Variants in TCF7L1 observed in about 807,000 individuals in gnomAD.
The protein encoded by TCF7L1 is transcription factor 7-like 1.
Under a neutral mutation model 63.7 loss-of-function variants are expected in TCF7L1, and 18 were observed. The ratio of observed to expected loss-of-function variants is 0.28; its 90% CI spans 0.20 to 0.42. The LOEUF (loss-of-function observed/expected upper bound fraction) is 0.42. Ranked by LOEUF, TCF7L1 falls within the 10% of genes least tolerant of loss-of-function variation. TCF7L1 has a pLI of 1.00. For synonymous variants in TCF7L1, 355 were observed against 340.9 expected (o/e 1.04, Z -0.46); for missense variants, 654 against 779.3 (o/e 0.84, Z 1.91).
chr2:85,171,154 G>A (rs144738899), intron 3 of TCF7L1, among the ~76,000 whole-genome samples: 5,522 of 152,230 alleles, frequency 0.036, 109 homozygotes, highest in Middle Eastern at 0.071. Flanking sequence ...ATGTGCAGGG[G>A]AACTCCCCTT....
chr2:85,244,035 C>T (rs1266255530), intron 3 of TCF7L1, among the ~76,000 whole-genome samples: 1 of 152,206 alleles, frequency 6.6e-6, no homozygotes, highest in East Asian at 1.9e-4. Flanking sequence ...TTGAAGGCCT[C>T]ACAGGGAGGT....
intron 3 of TCF7L1, among the ~76,000 whole-genome samples, chr2:85,263,140 A>G (rs1680892972): frequency 6.6e-6 from 1 of 152,236 alleles, no homozygotes; most frequent in Non-Finnish European, 1.5e-5. Context: ...GCCTTTTGGC[A>G]AAAGACTTGG....
At position 85,162,568 on chromosome 2, in the gene TCF7L1, A is replaced by G. The variant is rs6740712; in HGVS notation, c.441+28118A>G. Among the ~76,000 whole-genome samples the G allele has an allele frequency of 6.6e-3, 1,009 of 152,320 alleles. 7 individuals carry two copies. The highest frequency in any genetic ancestry group is 0.023 in the African/African-American group (969 of 41,568). On this transcript the variant is annotated intron_variant, in intron 3 of 11. Transcript: ENST00000282111. Reference sequence around the variant, plus strand: ...TAGCCAAACAGAATGATTTTAGTCCATCATGGGTCAAACCTTCTGATATTC... The same window carrying G: ...TAGCCAAACAGAATGATTTTAGTCCGTCATGGGTCAAACCTTCTGATATTC...
intron 3 of TCF7L1, among the ~76,000 whole-genome samples, chr2:85,172,487 C>T (rs943344130): frequency 5.9e-5 from 9 of 152,296 alleles, no homozygotes; most frequent in South Asian, 4.2e-4. Flanking sequence ...AGTGCAGTGG[C>T]GCGATCTCGG....
intron 3 of TCF7L1, among the ~76,000 whole-genome samples, chr2:85,181,755 C>T (rs539417472): frequency 6.6e-6 from 1 of 152,246 alleles, no homozygotes; most frequent in South Asian, 2.1e-4. Flanking sequence ...GTGTAGTATC[C>T]TCAGGGAGGG....
At chr2:85,294,744 T>C (rs1366496748) in intron 4 of TCF7L1, among the ~76,000 whole-genome samples, 2 of 152,082 alleles carry the variant, frequency 1.3e-5, no homozygotes, top group Non-Finnish European at 2.9e-5. Flanking sequence ...TTTACAACTG[T>C]ACATACAGCC....
intron 4 of TCF7L1, among the ~76,000 whole-genome samples, chr2:85,294,025 G>GGTTTTTTTTTTTTTT (rs1558658876): frequency 1.4e-5 from 1 of 70,562 alleles, no homozygotes; most frequent in Non-Finnish European, 2.4e-5. Flanking sequence ...TGAACACTGG[G>GGTTTTTTTTTTTTTT]ATTTTTTTTT....
intron 3 of TCF7L1, among the ~76,000 whole-genome samples, chr2:85,220,029 T>C (rs948151275): frequency 6.6e-6 from 1 of 152,260 alleles, no homozygotes. Flanking sequence ...GTGTTTATTG[T>C]ACTTTTCCTA....
intron 3 of TCF7L1, among the ~76,000 whole-genome samples, chr2:85,278,811 C>T (rs939685392): frequency 1.2e-4 from 18 of 152,210 alleles, no homozygotes; most frequent in African/African-American, 4.3e-4. Flanking sequence ...ATATGTAAAT[C>T]GAAGACAGTA....
intron 3 of TCF7L1, among the ~76,000 whole-genome samples, chr2:85,179,272 T>C (rs1678746434): frequency 6.6e-6 from 1 of 152,182 alleles, no homozygotes; most frequent in Non-Finnish European, 1.5e-5. Flanking sequence ...GTTTCTTGTT[T>C]CCCTTGGAAT....
intron 3 of TCF7L1, among the ~76,000 whole-genome samples, chr2:85,264,803 C>G (rs550262187): frequency 2.6e-5 from 4 of 152,224 alleles, no homozygotes; most frequent in Non-Finnish European, 4.4e-5. Flanking sequence ...AGCCCCTCTC[C>G]CAACCCAGAA....
At chr2:85,308,443 TTC>T (rs759182444) in intron 11 of TCF7L1, among the ~76,000 whole-genome samples, 19 of 31,568 alleles carry the variant, frequency 6.0e-4, no homozygotes, top group Admixed American at 1.2e-3. Context: ...CTCCCTCCCT[TTC>T]TCTTTCCCTC....
intron 3 of TCF7L1, among the ~76,000 whole-genome samples, chr2:85,222,851 T>C (rs1679877786): frequency 6.6e-6 from 1 of 152,168 alleles, no homozygotes; most frequent in Non-Finnish European, 1.5e-5. Flanking sequence ...TTTAGGATTT[T>C]AAAAAATTTT....
chr2:85,231,831 G>T (rs971921819), intron 3 of TCF7L1, among the ~76,000 whole-genome samples: 11 of 152,146 alleles, frequency 7.2e-5, no homozygotes, highest in Non-Finnish European at 1.6e-4. Context: ...CTAGCGTAGT[G>T]TAGGGATTGA....
In TCF7L1 at chr2:85,309,051, G is replaced by C. The variant is rs1378550383; in HGVS notation, c.1356G>C (p.Lys452Asn). ...TAGGTGCCCTGGCCTCCAAGAGCAA[G>C]AAGCCATGTGTTCAGTACCTGCCCC... Reference protein sequence around the residue: ...EAEGALASKSKKPCVQYLPPE... With the variant: ...EAEGALASKSNKPCVQYLPPE... The change falls in exon 12 of 12, where the codon AAG becomes AAC. Residue 452 changes from lysine (K) to asparagine (N), a missense_variant. By Grantham distance (94) the Lys-to-Asn change is moderately conservative. Transcript: ENST00000282111. The C allele has an allele frequency of 1.9e-6, 3 of 1,598,814 alleles. No homozygotes were observed. Among genetic ancestry groups the C allele is most frequent in the Non-Finnish European group, 2.6e-6 (3 of 1,171,184 alleles).
intron 3 of TCF7L1, among the ~76,000 whole-genome samples, chr2:85,162,373 G>A (rs1235540235): frequency 2.6e-5 from 4 of 152,182 alleles, no homozygotes; most frequent in African/African-American, 9.7e-5. Context: ...CAGGTAGGGT[G>A]GCCACAGTGG....
At chr2:85,227,153 A>G (rs1474097376) in intron 3 of TCF7L1, among the ~76,000 whole-genome samples, 1 of 152,180 alleles carries the variant, frequency 6.6e-6, no homozygotes, top group Non-Finnish European at 1.5e-5. Flanking sequence ...TTTTTCCGGC[A>G]TCTACCTTGT....
rs931332487 is a variant in TCF7L1, at chr2:85,169,894, T to A, written c.441+35444T>A. ...CAAGGGCCTGGCAATCAGGATTTTT[T>A]AAGATAATGTTTAGGTTTTACTTGG... On this transcript the variant is annotated intron_variant, in intron 3 of 11. Coordinates refer to ENST00000282111, the MANE Select transcript of TCF7L1 (RefSeq NM_031283.3). Among the ~76,000 whole-genome samples the A allele has an allele frequency of 3.3e-5, 5 of 152,228 alleles. No homozygotes were observed. In the South Asian group the frequency reaches 1.0e-3, roughly 32 times the overall value.
intron 3 of TCF7L1, among the ~76,000 whole-genome samples, chr2:85,200,269 A>G (rs1017220446): frequency 6.6e-6 from 1 of 152,030 alleles, no homozygotes. Flanking sequence ...TATACAGTTG[A>G]CCTTTGAACT....
Sources: allele counts gnomAD v4.1 joint callset (sites outside exome capture counted in the v4.1 genomes callset), GRCh38; gene constraint gnomAD v4.1.1; transcripts MANE v1.5; gene names NCBI Gene and HGNC (gene_info 2026-07-23, HGNC 2026-07-21).